The following ZNF804B variants were observed in gnomAD, a reference collection of about 807,000 sequenced individuals.
The protein encoded by ZNF804B is zinc finger protein 804B, also known as zinc finger 804B.
Under a neutral mutation model 101.4 loss-of-function variants are expected in ZNF804B, and 80 were observed. The observed-to-expected ratio is 0.79, with a 90% confidence interval of 0.66 to 0.95. The LOEUF is 0.95. ZNF804B is among the 40% of genes least tolerant of loss of function. ZNF804B has a pLI of 0.00. For missense variants in ZNF804B, 1,673 were observed against 1,561.9 expected, an observed-to-expected ratio of 1.07 and a Z score of -1.20; for synonymous variants, 622 against 558.8, an observed-to-expected ratio of 1.11 and a Z score of -1.59.
chr7:89,118,467 C>T (rs1056137195), intron 1 of ZNF804B, among the ~76,000 whole-genome samples: 1 of 151,840 alleles, frequency 6.6e-6, no homozygotes, highest in East Asian at 1.9e-4. Context: ...TTAGAAATGA[C>T]AGGGAAAATG....
intron 1 of ZNF804B, among the ~76,000 whole-genome samples, chr7:88,802,689 G>A (rs900605863): frequency 6.6e-6 from 1 of 151,274 alleles, no homozygotes; most frequent in Admixed American, 6.6e-5. Flanking sequence ...CTACCCTCAT[G>A]TGGTTCTCAG....
intron 1 of ZNF804B, among the ~76,000 whole-genome samples, chr7:88,905,087 T>C (rs1792448185): frequency 6.6e-6 from 1 of 152,204 alleles, no homozygotes; most frequent in Non-Finnish European, 1.5e-5. Context: ...TTTTGGTATG[T>C]TGTATATGGC....
chr7:88,926,801 C>T (rs1344737185), intron 1 of ZNF804B, among the ~76,000 whole-genome samples: 1 of 152,050 alleles, frequency 6.6e-6, no homozygotes, highest in Non-Finnish European at 1.5e-5. Flanking sequence ...TTCCTAAGTC[C>T]AGCTTCCGAA....
At chr7:89,178,922 A>G (rs1223150467) in intron 1 of ZNF804B, among the ~76,000 whole-genome samples, 3 of 152,038 alleles carry the variant, frequency 2.0e-5, no homozygotes, top group African/African-American at 7.2e-5. Flanking sequence ...TGTTTGAAGG[A>G]TATTTTTCTG....
intron 1 of ZNF804B, among the ~76,000 whole-genome samples, chr7:89,171,438 C>CCTT (rs200392935): frequency 7.1e-6 from 1 of 140,722 alleles, no homozygotes. Context: ...TTCTCCTTCT[C>CCTT]CTTCTTCTTC....
At chr7:89,293,832 G>C (rs1180953478) in intron 2 of ZNF804B, among the ~76,000 whole-genome samples, 4 of 152,014 alleles carry the variant, frequency 2.6e-5, no homozygotes, top group African/African-American at 9.7e-5. Flanking sequence ...GGAAACATGA[G>C]AAGCTCAATT....
At chr7:89,184,614 C>T (rs186864379) in intron 1 of ZNF804B, among the ~76,000 whole-genome samples, 1 of 152,192 alleles carries the variant, frequency 6.6e-6, no homozygotes, top group Admixed American at 6.6e-5. Context: ...TCATAATTCT[C>T]TCCCTTTACT....
chr7:89,183,187 A>C (rs2115588600), intron 1 of ZNF804B, among the ~76,000 whole-genome samples: 2 of 152,240 alleles, frequency 1.3e-5, no homozygotes, highest in Middle Eastern at 3.4e-3. Flanking sequence ...CAGTGGAGAA[A>C]AAAAATGGGT....
chr7:89,207,076 A>C (rs1054385742), intron 1 of ZNF804B, among the ~76,000 whole-genome samples: 2 of 152,132 alleles, frequency 1.3e-5, no homozygotes, highest in Non-Finnish European at 2.9e-5. Context: ...AAAGTTCCAT[A>C]CTTTCCCATA....
chr7:89,064,329 C>T (rs1789420098), intron 1 of ZNF804B, among the ~76,000 whole-genome samples: 1 of 152,106 alleles, frequency 6.6e-6, no homozygotes, highest in Non-Finnish European at 1.5e-5. Context: ...CACTGACAGC[C>T]CTCCCTGAAG....
At chr7:88,968,153 T>TAGTTACA (rs11283261) in intron 1 of ZNF804B, among the ~76,000 whole-genome samples, 18,139 of 151,190 alleles carry the variant, frequency 0.12, 1,202 homozygotes, top group Non-Finnish European at 0.15. Flanking sequence ...TTTCAAGAAC[T>TAGTTACA]AAAATGGTGT....
intron 2 of ZNF804B, among the ~76,000 whole-genome samples, chr7:89,264,351 A>T (rs1326941004): frequency 6.6e-6 from 1 of 152,146 alleles, no homozygotes; most frequent in African/African-American, 2.4e-5. Context: ...GCCAGCACAC[A>T]CCGTCCTGTC....
At chr7:89,105,330 T>G (rs1239201442) in intron 1 of ZNF804B, among the ~76,000 whole-genome samples, 1 of 152,242 alleles carries the variant, frequency 6.6e-6, no homozygotes, top group Non-Finnish European at 1.5e-5. Context: ...CATTTCCTCA[T>G]GCATCCAATG....
chr7:89,016,914 A>G (rs1788573858), intron 1 of ZNF804B, among the ~76,000 whole-genome samples: 1 of 152,220 alleles, frequency 6.6e-6, no homozygotes, highest in Admixed American at 6.5e-5. Context: ...TTGAATCTAT[A>G]AATTACCTTG....
chr7:89,180,400 C>T (rs1022886492), intron 1 of ZNF804B, among the ~76,000 whole-genome samples: 2 of 152,056 alleles, frequency 1.3e-5, no homozygotes, highest in Non-Finnish European at 2.9e-5. Context: ...TGTTTCCTTT[C>T]ATCAAGCAGA....
At chr7:89,000,308 AT>A (rs1788264471) in intron 1 of ZNF804B, among the ~76,000 whole-genome samples, 1 of 151,930 alleles carries the variant, frequency 6.6e-6, no homozygotes, top group Admixed American at 6.6e-5. Flanking sequence ...AAGCAAGGTA[AT>A]AATTTATAAT....
chr7:89,209,784 G>C (rs1788775012), intron 1 of ZNF804B, among the ~76,000 whole-genome samples: 1 of 152,098 alleles, frequency 6.6e-6, no homozygotes, highest in South Asian at 2.1e-4. Context: ...TCAATAAATA[G>C]TTACTGAGTT....
At position 89,336,806 on chromosome 7, in the gene ZNF804B, C is replaced by G. The variant is rs199881025; in HGVS notation, c.3824C>G (p.Pro1275Arg). ...GHPLHLVAAT[P>R]FHPSHITLQP... is the part of the protein sequence containing the mutation. ...CCCCTGCATTTAGTAGCTGCTACCC[C>G]CTTCCACCCATCTCACATAACACTT... is the stretch of plus-strand genomic sequence containing the variant. The change falls in exon 4 of 4, where the codon CCC (proline) becomes CGC (arginine). Residue 1275 changes from proline to arginine, a missense_variant. Coordinates refer to ENST00000333190, the MANE Select transcript of ZNF804B (RefSeq NM_181646.5). The G allele has an allele frequency of 1.1e-4, 179 of 1,614,036 alleles. 2 individuals carry two copies. The East Asian group carries it at 3.0e-3, about 27-fold the overall frequency.
chr7:89,224,732 G>A (rs1160135310), intron 2 of ZNF804B, among the ~76,000 whole-genome samples: 1 of 99,262 alleles, frequency 1.0e-5, no homozygotes, highest in African/African-American at 3.9e-5. Context: ...GTGTGTGTGT[G>A]TGTGTGTGTG....
Sources: gnomAD v4.1 joint callset for allele counts (sites outside exome capture counted in the v4.1 genomes callset) on GRCh38, gnomAD v4.1.1 for gene constraint, MANE v1.5 for transcripts, NCBI Gene and HGNC (gene_info 2026-07-23, HGNC 2026-07-21) for gene names.